The following TMCO6 variants were observed in gnomAD, a reference collection of about 807,000 sequenced individuals.
TMCO6 encodes the protein transmembrane and coiled-coil domain-containing protein 6.
A neutral mutation model predicts 61.8 loss-of-function variants in TMCO6; 47 were observed. The ratio of observed to expected loss-of-function variants is 0.76; its 90% CI spans 0.60 to 0.97. The LOEUF is 0.97. Among genes scored for constraint, TMCO6 ranks in the 50% least tolerant of loss-of-function variants. The pLI is 0.00. For missense variants in TMCO6, 557 were observed against 601.6 expected (o/e 0.93, Z 0.78); for synonymous variants, 261 against 254.2 (o/e 1.03, Z -0.25).
downstream of TMCO6, among the ~76,000 whole-genome samples, chr5:140,646,820 AAAG>A (rs1245973311): frequency 1.4e-4 from 21 of 152,222 alleles, no homozygotes; most frequent in Admixed American, 6.5e-4. Context: ...TACAGTGAGA[AAAG>A]AAGAACACGC....
the TMCO6 span, among the ~76,000 whole-genome samples, chr5:140,630,771 C>A: frequency 6.6e-6 from 1 of 152,198 alleles, no homozygotes; most frequent in Non-Finnish European, 1.5e-5. Context: ...GTCTGTAACT[C>A]TCTTATCAAT....
the TMCO6 span, chr5:140,631,666 A>G: frequency 1.8e-6 from 1 of 557,554 alleles, no homozygotes; most frequent in Non-Finnish European, 3.2e-6. Flanking sequence ...TGAATTCCCC[A>G]TCCAGCACTG....
At chr5:140,632,906 C>T in the TMCO6 span, 1 of 1,614,202 alleles carries the variant, frequency 6.2e-7, no homozygotes, top group Non-Finnish European at 8.5e-7. This position sits in a 1 kb window ranked among gnomAD's most constrained non-coding sequence, Gnocchi z 6.2. Context: ...CATCGTCCAG[C>T]TCACAAGGTT....
At chr5:140,647,632 C>A, downstream of TMCO6, 1 of 1,587,176 alleles carries the variant, frequency 6.3e-7, no homozygotes, top group Non-Finnish European at 8.5e-7. Flanking sequence ...GCCAAGTGCT[C>A]CGGTCTGACC....
rs566510529 is a variant in TMCO6, at chr5:140,644,460, G to A, written c.1201-113G>A. 3.3e-4 allele frequency: 431 copies of A among 1,288,196 alleles called. 1 individual carries two copies. The highest frequency in any genetic ancestry group is 2.4e-3 in the Middle Eastern group (9 of 3,812). 79.8% of individuals were successfully genotyped at this position (1,288,196 alleles called of 1,614,324 possible). ...GTTGTAGGAGTATGAGAACATGTAT[G>A]TAGAAGAGCTTGGCATGGTGCCTGG... On this transcript the variant is annotated intron_variant, in intron 10 of 11. Coordinates refer to ENST00000394671, the MANE Select transcript of TMCO6 (RefSeq NM_018502.5).
At position 140,643,902 on chromosome 5, in the gene TMCO6, G is replaced by T; in HGVS notation, c.1041G>T (p.Gln347His). 6.2e-7 allele frequency: 1 copy of T among 1,614,204 alleles called. No individual in the cohort carries two copies. The highest frequency in any genetic ancestry group is 8.5e-7 in the Non-Finnish European group (1 of 1,180,030). The change falls in exon 9 of 12, where the codon CAG (glutamine) becomes CAT (histidine). Residue 347 changes from glutamine to histidine, a missense_variant. Coordinates refer to ENST00000394671, the MANE Select transcript of TMCO6 (RefSeq NM_018502.5). ...RVVAALFILL[Q>H]FFFQKQPSLL... ...TGGCAGCCTTATTTATCCTTCTGCAGTTCTTTTTCCAGAAACAGCCCAGTC... is the reference window on the plus strand; with the variant it reads ...TGGCAGCCTTATTTATCCTTCTGCATTTCTTTTTCCAGAAACAGCCCAGTC...
the TMCO6 span, among the ~76,000 whole-genome samples, chr5:140,601,925 G>T: frequency 1.3e-5 from 2 of 152,132 alleles, no homozygotes; most frequent in Non-Finnish European, 2.9e-5. Flanking sequence ...ATTTTTAAGC[G>T]AATACAATAA....
the TMCO6 span, among the ~76,000 whole-genome samples, chr5:140,634,345 AAAACAAAATGAAAAAAACAGC>A: frequency 1.3e-5 from 2 of 152,172 alleles, no homozygotes; most frequent in Non-Finnish European, 2.9e-5. Context: ...AACAGAAAAC[AAAACAAAATGAAAAAAACAGC>A]AAACAAAACA....
the TMCO6 span, among the ~76,000 whole-genome samples, chr5:140,630,178 G>C: frequency 6.6e-6 from 1 of 151,780 alleles, no homozygotes; most frequent in African/African-American, 2.4e-5. Context: ...ATTTTTAGTA[G>C]AGACAGGGTT....
At chr5:140,639,029 G>C (rs1490077387), upstream of TMCO6, 1 of 164,376 alleles carries the variant, frequency 6.1e-6, no homozygotes, top group East Asian at 1.9e-4. Context: ...ATTTTACAGA[G>C]TTGGACTCTT....
At chr5:140,626,297 T>TAGA in the TMCO6 span, among the ~76,000 whole-genome samples, 1 of 151,844 alleles carries the variant, frequency 6.6e-6, no homozygotes, top group Admixed American at 6.6e-5. Flanking sequence ...GTACTATTAA[T>TAGA]GTCAAACCCA....
chr5:140,607,178 A>G, the TMCO6 span, among the ~76,000 whole-genome samples: 1 of 152,254 alleles, frequency 6.6e-6, no homozygotes, highest in East Asian at 1.9e-4. Flanking sequence ...CTCTGTACCC[A>G]TTATGCAATA....
chr5:140,634,674 CAG>C (rs1429509815), upstream of TMCO6, among the ~76,000 whole-genome samples: 2 of 151,860 alleles, frequency 1.3e-5, no homozygotes, highest in Admixed American at 6.6e-5. Context: ...TTAGTAGAGA[CAG>C]AGTTTCACTA....
the TMCO6 span, among the ~76,000 whole-genome samples, chr5:140,601,659 G>C: frequency 6.6e-6 from 1 of 152,280 alleles, no homozygotes; most frequent in Non-Finnish European, 1.5e-5. Flanking sequence ...TTCCTTATAA[G>C]GATGACGTAA....
At chr5:140,608,151 T>C in the TMCO6 span, among the ~76,000 whole-genome samples, 3 of 152,208 alleles carry the variant, frequency 2.0e-5, no homozygotes, top group Non-Finnish European at 2.9e-5. Context: ...TCTTTTCTTA[T>C]GTTTGTTAGT....
the TMCO6 span, among the ~76,000 whole-genome samples, chr5:140,598,746 C>A: frequency 6.6e-6 from 1 of 152,120 alleles, no homozygotes; most frequent in African/African-American, 2.4e-5. Flanking sequence ...CCAGCCTGGT[C>A]AACATGGTGA....
chr5:140,621,079 C>T, the TMCO6 span, among the ~76,000 whole-genome samples: 20 of 152,276 alleles, frequency 1.3e-4, no homozygotes, highest in East Asian at 3.5e-3. Context: ...AGCAATTTCA[C>T]TCTGAATATA....
At chr5:140,619,191 A>G in the TMCO6 span, among the ~76,000 whole-genome samples, 2 of 152,348 alleles carry the variant, frequency 1.3e-5, no homozygotes, top group South Asian at 4.1e-4. Flanking sequence ...CACTGAGGAA[A>G]ATATACAGAT....
chr5:140,598,960 A>C, the TMCO6 span, among the ~76,000 whole-genome samples: 1 of 152,022 alleles, frequency 6.6e-6, no homozygotes, highest in Admixed American at 6.6e-5. Flanking sequence ...CAAAAAACCA[A>C]AGTAAGTGTC....
Sources: gnomAD v4.1 joint callset for allele counts (sites outside exome capture counted in the v4.1 genomes callset) on GRCh38, gnomAD v4.1.1 for gene constraint, Gnocchi (gnomAD v3.1) non-coding constraint, MANE v1.5 for transcripts, NCBI Gene and HGNC (gene_info 2026-07-23, HGNC 2026-07-21) for gene names.